TMEM232: variants seen among roughly 807,000 people sequenced by gnomAD.
TMEM232 encodes transmembrane protein 232.
Under a neutral mutation model 78.8 loss-of-function variants are expected in TMEM232, and 80 were observed. That is an observed-to-expected ratio of 1.01 (90% CI 0.85 to 1.22). TMEM232 has a LOEUF of 1.22. TMEM232 is among the 50% of genes most tolerant of loss of function. The probability of loss-of-function intolerance (pLI) is 0.00; values close to 1 mark genes in which losing one functional copy is unlikely to be tolerated. For missense variants in TMEM232, 881 were observed against 742.2 expected, an observed-to-expected ratio of 1.19 and a Z score of -2.17; for synonymous variants, 297 against 254.3, an observed-to-expected ratio of 1.17 and a Z score of -1.60.
At chr5:110,472,371 A>T (rs945118970) in intron 12 of TMEM232, among the ~76,000 whole-genome samples, 15 of 152,000 alleles carry the variant, frequency 9.9e-5, no homozygotes, top group Admixed American at 8.5e-4. Flanking sequence ...AAAACTATAA[A>T]ACACTGATTA....
At chr5:110,614,594 C>T (rs372152263) in intron 8 of TMEM232, among the ~76,000 whole-genome samples, 3 of 152,030 alleles carry the variant, frequency 2.0e-5, no homozygotes, top group African/African-American at 7.2e-5. Flanking sequence ...TATTCTTAAT[C>T]AGCTACATTT....
chr5:110,640,754 T>A, intron 4 of TMEM232, 137 bp downstream of exon 4: 1 of 454,190 alleles, frequency 2.2e-6, no homozygotes, highest in Non-Finnish European at 3.8e-6. Context: ...TGAATTTTCA[T>A]AATAAAATGT....
chr5:110,709,850 C>A (rs1464087947), intron 1 of TMEM232, among the ~76,000 whole-genome samples: 1 of 151,632 alleles, frequency 6.6e-6, no homozygotes, highest in African/African-American at 2.4e-5. Context: ...GCCAATCAAA[C>A]CCAAAATTAG....
chr5:110,666,308 T>C (rs534078285), intron 2 of TMEM232, among the ~76,000 whole-genome samples: 1 of 152,100 alleles, frequency 6.6e-6, no homozygotes, highest in South Asian at 2.1e-4. Context: ...TTAATCACTG[T>C]ATACATAATT....
chr5:110,729,411 T>C (rs1238796157), upstream of TMEM232, among the ~76,000 whole-genome samples: 1 of 152,140 alleles, frequency 6.6e-6, no homozygotes, highest in African/African-American at 2.4e-5. Context: ...AAATGCTTAC[T>C]CTTGATCAAG....
At chr5:110,528,223 C>G (rs1382044465) in intron 12 of TMEM232, among the ~76,000 whole-genome samples, 2 of 151,686 alleles carry the variant, frequency 1.3e-5, no homozygotes, top group African/African-American at 2.4e-5. Flanking sequence ...GTTCAAGACT[C>G]TAACTTAGAT....
At chr5:110,484,375 A>C (rs944014035) in intron 12 of TMEM232, among the ~76,000 whole-genome samples, 3 of 152,242 alleles carry the variant, frequency 2.0e-5, no homozygotes, top group Non-Finnish European at 2.9e-5. Context: ...GCACTAAAAA[A>C]ATACCTATTT....
upstream of TMEM232, among the ~76,000 whole-genome samples, chr5:110,728,808 C>T (rs1798397218): frequency 6.7e-6 from 1 of 149,242 alleles, no homozygotes; most frequent in Non-Finnish European, 1.5e-5. Flanking sequence ...CACAATTATG[C>T]TTTCAGAAAC....
chr5:110,505,869 C>T (rs1766829960), intron 12 of TMEM232, among the ~76,000 whole-genome samples: 1 of 152,042 alleles, frequency 6.6e-6, no homozygotes, highest in Non-Finnish European at 1.5e-5. Context: ...TTCTTTATTT[C>T]CTTTCTTTTT....
chr5:110,692,130 C>T (rs1794192548), intron 1 of TMEM232, among the ~76,000 whole-genome samples: 1 of 152,054 alleles, frequency 6.6e-6, no homozygotes, highest in Admixed American at 6.6e-5. Context: ...ACCCTGTTAG[C>T]CAGGATGCTC....
intron 10 of TMEM232, among the ~76,000 whole-genome samples, chr5:110,597,889 T>A (rs1203723556): frequency 6.6e-6 from 1 of 152,194 alleles, no homozygotes; most frequent in Non-Finnish European, 1.5e-5. Context: ...AGTTAAATGT[T>A]AGACCTAAAA....
At chr5:110,695,492 CA>C (rs1185687470) in intron 1 of TMEM232, among the ~76,000 whole-genome samples, 2 of 151,964 alleles carry the variant, frequency 1.3e-5, no homozygotes, top group South Asian at 4.2e-4. Flanking sequence ...AAAAACCCCT[CA>C]AAAAATCAAT....
intron 1 of TMEM232, among the ~76,000 whole-genome samples, chr5:110,678,389 T>G (rs556111962): frequency 6.6e-6 from 1 of 152,168 alleles, no homozygotes; most frequent in African/African-American, 2.4e-5. Flanking sequence ...TAGAGCAGTT[T>G]TAGAGCAAAA....
At chr5:110,507,561 G>C (rs1209508570) in intron 12 of TMEM232, among the ~76,000 whole-genome samples, 1 of 152,148 alleles carries the variant, frequency 6.6e-6, no homozygotes, top group African/African-American at 2.4e-5. Flanking sequence ...CAGGTTCTCA[G>C]GTTCTCAGAG....
intron 8 of TMEM232, among the ~76,000 whole-genome samples, chr5:110,609,396 T>A (rs759099187): frequency 2.9e-4 from 44 of 152,196 alleles, no homozygotes; most frequent in South Asian, 4.1e-4. Flanking sequence ...AAACTTTTTT[T>A]AAAAATAATA....
chr5:110,713,012 G>A (rs878992778), intron 1 of TMEM232, among the ~76,000 whole-genome samples: 5 of 152,092 alleles, frequency 3.3e-5, no homozygotes, highest in South Asian at 2.1e-4. Flanking sequence ...CAACCTAAGC[G>A]TCCATCAACA....
chr5:110,627,924 TAAATGTTTAAAAACCATA>T, intron 5 of TMEM232, 44 bp from the exon 6 acceptor site: 1 of 1,268,368 alleles, frequency 7.9e-7, no homozygotes, highest in Non-Finnish European at 1.1e-6. Context: ...GTTGCATCAA[TAAATGTTTAAAAACCATA>T]AGAAAAATCA....
At chr5:110,685,924 G>C (rs991484136) in intron 1 of TMEM232, among the ~76,000 whole-genome samples, 1 of 152,102 alleles carries the variant, frequency 6.6e-6, no homozygotes, top group African/African-American at 2.4e-5. Flanking sequence ...TTTCATATAT[G>C]AGAAATTCAA....
chr5:110,519,545 C>T (rs1769186597), intron 12 of TMEM232, among the ~76,000 whole-genome samples: 1 of 152,014 alleles, frequency 6.6e-6, no homozygotes, highest in South Asian at 2.1e-4. Context: ...AGTACAGCCA[C>T]TACGGAGAAC....
Sources: allele counts gnomAD v4.1 joint callset (sites outside exome capture counted in the v4.1 genomes callset), GRCh38; gene constraint gnomAD v4.1.1; transcripts MANE v1.5; gene names NCBI Gene and HGNC (gene_info 2026-07-23, HGNC 2026-07-21).